ZNF131: variants seen among roughly 807,000 people sequenced by gnomAD.
ZNF131 encodes zinc finger and BTB domain containing 35, also known as zinc finger protein 131.
Under a neutral mutation model 60.0 loss-of-function variants are expected in ZNF131, and 7 were observed. That is an observed-to-expected ratio of 0.12 (90% CI 0.07 to 0.22). The LOEUF is 0.22. Ranked by LOEUF, ZNF131 falls within the 10% of genes least tolerant of loss-of-function variation. The probability of loss-of-function intolerance (pLI) is 1.00; values close to 1 mark genes in which losing one functional copy is unlikely to be tolerated. For missense variants in ZNF131, 493 were observed against 740.9 expected (o/e 0.67, Z 3.88); for synonymous variants, 257 against 253.2 (o/e 1.01, Z -0.14).
At chr5:43,165,149 C>T (rs950985969) in intron 5 of ZNF131, among the ~76,000 whole-genome samples, 2 of 151,876 alleles carry the variant, frequency 1.3e-5, no homozygotes, top group Non-Finnish European at 2.9e-5. Flanking sequence ...TGTGGTTTCA[C>T]CACGTTGCCT....
intron 5 of ZNF131, among the ~76,000 whole-genome samples, chr5:43,170,543 A>G (rs1750849840): frequency 1.3e-5 from 2 of 151,922 alleles, no homozygotes; most frequent in Non-Finnish European, 2.9e-5. Context: ...GAGCTTCTCC[A>G]TATATTCAAG....
At chr5:43,128,944 A>AT (rs1464975063) in intron 3 of ZNF131, among the ~76,000 whole-genome samples, 2 of 151,756 alleles carry the variant, frequency 1.3e-5, no homozygotes, top group Admixed American at 6.6e-5. Flanking sequence ...TATTATTACT[A>AT]TTTTTGAGAC....
intron 4 of ZNF131, among the ~76,000 whole-genome samples, chr5:43,160,185 A>G (rs1749489549): frequency 8.6e-6 from 1 of 116,456 alleles, no homozygotes; most frequent in Non-Finnish European, 2.1e-5. Context: ...CAAAAAAACA[A>G]AACAAAAAAA....
intron 5 of ZNF131, 190 bp from the exon 6 acceptor site, chr5:43,173,128 A>G (rs1751207825): frequency 4.0e-6 from 2 of 505,920 alleles, no homozygotes; most frequent in East Asian, 3.2e-5. Context: ...TTAAATATTA[A>G]ATTTTATTAT....
intron 5 of ZNF131, among the ~76,000 whole-genome samples, chr5:43,163,400 G>A (rs189607516): frequency 2.8e-4 from 42 of 152,336 alleles, no homozygotes; most frequent in African/African-American, 9.9e-4. Context: ...CGGACATCCA[G>A]GGAGCTGAGG....
intron 4 of ZNF131, among the ~76,000 whole-genome samples, chr5:43,143,935 T>C (rs1373486586): frequency 2.7e-5 from 3 of 110,160 alleles, no homozygotes; most frequent in East Asian, 3.6e-4. Flanking sequence ...TTTTTTTTTT[T>C]TCCTTGAGAC....
At chr5:43,155,629 T>TTGCTTGCAGGTTA (rs1748868071) in intron 4 of ZNF131, among the ~76,000 whole-genome samples, 1 of 152,168 alleles carries the variant, frequency 6.6e-6, no homozygotes, top group Non-Finnish European at 1.5e-5. Flanking sequence ...GGTTGCTGTT[T>TTGCTTGCAGGTTA]TGCTTGCAGG....
chr5:43,147,351 G>A (rs1390201724), intron 4 of ZNF131, among the ~76,000 whole-genome samples: 2 of 151,602 alleles, frequency 1.3e-5, no homozygotes, highest in Non-Finnish European at 2.9e-5. Context: ...TGTTTGGTAT[G>A]TGTATGTTTA....
At position 43,175,984 on chromosome 5, in the gene ZNF131, G is replaced by GC. The variant is rs1751530061; in HGVS notation, c.*852dup. The GC allele has an allele frequency of 6.6e-6, 1 of 152,180 alleles. No homozygotes were observed. Among genetic ancestry groups the GC allele is most frequent in the Non-Finnish European group, 1.5e-5 (1 of 68,078 alleles). The allele number at this position is 152,180 out of a possible 1,614,324, so 9.4% of individuals were successfully genotyped here. On this transcript the variant is annotated 3_prime_UTR_variant, in exon 7 of 7. Transcript: ENST00000682664. The stretch of plus-strand genomic sequence containing the variant: ...GTAAACTTTATTTTGATGAAAAGTT[G>GC]CACTAGTATTTTACCACCAGATGAG...
At chr5:43,159,776 T>A (rs1749416033) in intron 4 of ZNF131, among the ~76,000 whole-genome samples, 1 of 152,200 alleles carries the variant, frequency 6.6e-6, no homozygotes, top group Non-Finnish European at 1.5e-5. Flanking sequence ...TGGCTTGCTT[T>A]TTTATTAACT....
chr5:43,132,039 A>AT (rs1745430895), intron 3 of ZNF131, among the ~76,000 whole-genome samples: 1 of 152,178 alleles, frequency 6.6e-6, no homozygotes, highest in African/African-American at 2.4e-5. Flanking sequence ...CTTGTAAAGT[A>AT]TTTAGAGCCT....
At chr5:43,141,802 A>C (rs1421834531) in intron 4 of ZNF131, among the ~76,000 whole-genome samples, 1 of 151,854 alleles carries the variant, frequency 6.6e-6, no homozygotes, top group Non-Finnish European at 1.5e-5. Flanking sequence ...AATAGTACCT[A>C]AAACAATCAT....
intron 4 of ZNF131, among the ~76,000 whole-genome samples, chr5:43,155,759 G>C (rs1748885711): frequency 6.6e-6 from 1 of 152,172 alleles, no homozygotes; most frequent in Non-Finnish European, 1.5e-5. Context: ...AGAAGAAACA[G>C]TTTTTCTTTT....
chr5:43,125,853 A>C (rs985848658), intron 3 of ZNF131, among the ~76,000 whole-genome samples: 3 of 152,136 alleles, frequency 2.0e-5, no homozygotes, highest in African/African-American at 7.2e-5. Flanking sequence ...CATTACCTGG[A>C]GAAGTAGAAG....
At chr5:43,127,025 G>C (rs1402469228) in intron 3 of ZNF131, among the ~76,000 whole-genome samples, 1 of 152,096 alleles carries the variant, frequency 6.6e-6, no homozygotes, top group Non-Finnish European at 1.5e-5. Flanking sequence ...ACTCACTACT[G>C]TTTTGAGTTT....
intron 3 of ZNF131, among the ~76,000 whole-genome samples, chr5:43,134,316 T>G (rs1225999040): frequency 6.6e-6 from 1 of 152,082 alleles, no homozygotes; most frequent in Non-Finnish European, 1.5e-5. Flanking sequence ...TTGGACAAAA[T>G]TTAATACCCT....
chr5:43,156,041 A>C (rs1748921555), intron 4 of ZNF131, among the ~76,000 whole-genome samples: 1 of 152,236 alleles, frequency 6.6e-6, no homozygotes, highest in Non-Finnish European at 1.5e-5. Context: ...GGTTTGCTGC[A>C]CTGTTCTGTT....
chr5:43,141,795 A>G (rs1324653587), intron 4 of ZNF131, among the ~76,000 whole-genome samples: 2 of 151,912 alleles, frequency 1.3e-5, no homozygotes, highest in Non-Finnish European at 2.9e-5. Flanking sequence ...GAATTCCAAT[A>G]GTACCTAAAA....
At chr5:43,157,318 C>G (rs1437058344) in intron 4 of ZNF131, among the ~76,000 whole-genome samples, 1 of 152,210 alleles carries the variant, frequency 6.6e-6, no homozygotes, top group Non-Finnish European at 1.5e-5. Context: ...TGTGAACCGT[C>G]CAAAGCTGTG....
Sources: allele counts gnomAD v4.1 joint callset (sites outside exome capture counted in the v4.1 genomes callset), GRCh38; gene constraint gnomAD v4.1.1; transcripts MANE v1.5; gene names NCBI Gene and HGNC (gene_info 2026-07-23, HGNC 2026-07-21).